Variants in RCL1 observed in about 807,000 individuals in gnomAD.
RCL1 encodes the protein RNA 3'-terminal phosphate cyclase-like protein.
Under a neutral mutation model 42.4 loss-of-function variants are expected in RCL1, and 24 were observed. That is an observed-to-expected ratio of 0.57 (90% confidence interval 0.41 to 0.80). The LOEUF is 0.80. RCL1 is among the 30% of genes least tolerant of loss of function. The pLI is 0.00. For missense variants in RCL1, 578 were observed against 467.9 expected (o/e 1.24, Z -2.17); for synonymous variants, 228 against 177.3 (o/e 1.29, Z -2.27).
chr9:4,795,463 A>G (rs1486352370), intron 1 of RCL1, among the ~76,000 whole-genome samples: 1 of 152,230 alleles, frequency 6.6e-6, no homozygotes, highest in Non-Finnish European at 1.5e-5. Flanking sequence ...ATATGTATAC[A>G]CATACATGTA....
chr9:4,843,506 G>A (rs557444656), intron 6 of RCL1, among the ~76,000 whole-genome samples: 16 of 152,072 alleles, frequency 1.1e-4, no homozygotes, highest in Non-Finnish European at 2.1e-4. Flanking sequence ...ACTTGAAATA[G>A]GCCTGATAAC....
At chr9:4,837,357 A>G (rs1817174668) in intron 5 of RCL1, among the ~76,000 whole-genome samples, 1 of 152,204 alleles carries the variant, frequency 6.6e-6, no homozygotes, top group Non-Finnish European at 1.5e-5. Flanking sequence ...AAAAAGTGTA[A>G]TAAGTGTATA....
chr9:4,832,860 G>C (rs1324540895), intron 3 of RCL1, among the ~76,000 whole-genome samples: 1 of 143,750 alleles, frequency 7.0e-6, no homozygotes, highest in Non-Finnish European at 1.5e-5. Flanking sequence ...TTCTACAACA[G>C]TCCAGTCTCT....
chr9:4,832,484 T>G (rs1307451360), intron 3 of RCL1, among the ~76,000 whole-genome samples: 1 of 152,170 alleles, frequency 6.6e-6, no homozygotes. Flanking sequence ...AAAAGATGAT[T>G]TTCTTCTGTA....
chr9:4,850,372 T>C (rs770437147), intron 8 of RCL1: 1 of 531,200 alleles, frequency 1.9e-6, no homozygotes, highest in African/African-American at 1.9e-5. Flanking sequence ...TGAAGAATGG[T>C]GGTGCCATCA....
At chr9:4,801,758 C>G (rs1843004674) in intron 1 of RCL1, among the ~76,000 whole-genome samples, 1 of 150,050 alleles carries the variant, frequency 6.7e-6, no homozygotes, top group Non-Finnish European at 1.5e-5. Flanking sequence ...GCCAATTGCC[C>G]AAGCATCATT....
chr9:4,817,912 ATTTTT>A (rs66886360), intron 1 of RCL1, among the ~76,000 whole-genome samples: 163 of 78,332 alleles, frequency 2.1e-3, no homozygotes, highest in East Asian at 5.4e-3. Context: ...CTTTTCTAAG[ATTTTT>A]TTTTTTTTTT....
chr9:4,804,013 C>T (rs1843051791), intron 1 of RCL1: 1 of 152,662 alleles, frequency 6.6e-6, no homozygotes, highest in Non-Finnish European at 1.5e-5. Flanking sequence ...GTAGGTTTTG[C>T]CGCTGCCTAT....
intron 1 of RCL1, among the ~76,000 whole-genome samples, chr9:4,813,526 A>T (rs1294287795): frequency 6.6e-6 from 1 of 152,244 alleles, no homozygotes; most frequent in African/African-American, 2.4e-5. Flanking sequence ...ATCCTTAAAA[A>T]GTCAGGAAAC....
intron 3 of RCL1, among the ~76,000 whole-genome samples, chr9:4,832,295 C>G (rs1390231860): frequency 6.6e-6 from 1 of 152,136 alleles, no homozygotes; most frequent in African/African-American, 2.4e-5. Context: ...TAGTTTGAGG[C>G]TGTCATCACC....
At chr9:4,846,593 A>G (rs1241202259) in intron 7 of RCL1, among the ~76,000 whole-genome samples, 2 of 152,096 alleles carry the variant, frequency 1.3e-5, no homozygotes, top group East Asian at 1.9e-4. Flanking sequence ...AGTGCATGCA[A>G]TGTGTTTCCC....
chr9:4,857,931 C>CTTTTTTTTTTTTTTTT (rs34470773), intron 8 of RCL1, among the ~76,000 whole-genome samples: 16 of 103,028 alleles, frequency 1.6e-4, no homozygotes, highest in Admixed American at 4.8e-4. Flanking sequence ...AGCTCTCCCA[C>CTTTTTTTTTTTTTTTT]TTTTTTTTTT....
rs200682349 is a variant in RCL1 at position 4,860,136 on chromosome 9, T to G, written c.983T>G (p.Leu328Trp). ...GPLSPYTIEF[L>W]RHLKSFFQIM... ...TTTTTCCTTTTTAGGATAGAATTTT[T>G]GCGGCATTTGAAGAGCTTTTTCCAG... The change falls in exon 9 of 9, where the codon TTG (leucine) becomes TGG (tryptophan). Residue 328 changes from leucine to tryptophan, a missense_variant. Physicochemically the swap from Leu to Trp is moderately conservative, Grantham distance 61. Coordinates refer to ENST00000381750, the MANE Select transcript of RCL1 (RefSeq NM_005772.5). 1 of 1,580,900 alleles carries G rather than the reference T, an allele frequency of 6.3e-7. No individual in the cohort carries two copies. The highest frequency in any genetic ancestry group is 2.3e-5 in the East Asian group (1 of 44,120).
intron 1 of RCL1, among the ~76,000 whole-genome samples, chr9:4,805,623 A>G (rs1479064996): frequency 1.3e-5 from 2 of 152,208 alleles, no homozygotes; most frequent in African/African-American, 4.8e-5. Context: ...CAGTTCCCTC[A>G]TGCTATGGGC....
chr9:4,830,616 T>C (rs754043043), intron 3 of RCL1, among the ~76,000 whole-genome samples: 4 of 152,192 alleles, frequency 2.6e-5, no homozygotes, highest in Non-Finnish European at 5.9e-5. Flanking sequence ...ATTCCATTCT[T>C]TTCCAGTTCC....
chr9:4,803,385 A>G (rs1843038697), intron 1 of RCL1, among the ~76,000 whole-genome samples: 1 of 152,218 alleles, frequency 6.6e-6, no homozygotes, highest in Non-Finnish European at 1.5e-5. Context: ...GAAGGCAAAG[A>G]GAATACAAGG....
chr9:4,829,522 G>C (rs1037090937), intron 3 of RCL1, among the ~76,000 whole-genome samples: 1 of 152,152 alleles, frequency 6.6e-6, no homozygotes, highest in African/African-American at 2.4e-5. Flanking sequence ...AACCATATAA[G>C]GATTTCCAGT....
Position 4,812,789 on chromosome 9 carries a change from CT to C in RCL1, c.137-10757del, listed in dbSNP as rs369579848. Among the ~76,000 whole-genome samples, 391 of 151,742 alleles carry C rather than the reference CT, an allele frequency of 2.6e-3. 1 individual carries two copies. The highest frequency in any genetic ancestry group is 9.2e-3 in the African/African-American group (379 of 41,362). ...TTTCCTTTTAGAGAGCTTTCACTTC[CT>C]TGGTTAAATTTATTTCTAGGTATTT... On this transcript the variant is annotated intron_variant, in intron 1 of 8. Transcript: ENST00000381750.
Position 4,860,377 on chromosome 9 carries a change from C to A in RCL1, c.*102C>A. 8.4e-7 allele frequency: 1 copy of A among 1,191,852 alleles called. No homozygotes were observed. The highest frequency in any genetic ancestry group is 1.2e-6 in the Non-Finnish European group (1 of 863,254). The allele number at this position is 1,191,852 out of a possible 1,614,324, so 73.8% of individuals were successfully genotyped here. A position where few individuals can be genotyped will look rare whatever the true frequency, so the allele number is the denominator to read the frequency against. On this transcript the variant is annotated 3_prime_UTR_variant, in exon 9 of 9. Transcript: ENST00000381750. ...AATGGATTAATCCAGGACAGAATAG[C>A]CACTTGCTTAATTTTCTGTGAAGAA...
Sources: gnomAD v4.1 joint callset for allele counts (sites outside exome capture counted in the v4.1 genomes callset) on GRCh38, gnomAD v4.1.1 for gene constraint, MANE v1.5 for transcripts, NCBI Gene and HGNC (gene_info 2026-07-23, HGNC 2026-07-21) for gene names.